GRID2: variants seen among roughly 807,000 people sequenced by gnomAD.
GRID2 encodes the protein glutamate receptor ionotropic, delta-2.
A neutral mutation model predicts 114.8 loss-of-function variants in GRID2; 33 were observed. That is an observed-to-expected ratio of 0.29 (90% CI 0.22 to 0.38). The LOEUF (loss-of-function observed/expected upper bound fraction) is 0.38. Among genes scored for constraint, GRID2 ranks in the 10% least tolerant of loss-of-function variants. The pLI is 1.00. For missense variants in GRID2, 1,184 were observed against 1,257.7 expected, an observed-to-expected ratio of 0.94 and a Z score of 0.89; for synonymous variants, 505 against 449.9, an observed-to-expected ratio of 1.12 and a Z score of -1.55.
In GRID2 at chr4:92,648,820, A is replaced by G. The variant is rs191791929; in HGVS notation, c.244+58534A>G. ...CTATATCAGTTCACATTTATTCCAT[A>G]TTAATAAATGATGATTCATGATGCA... On this transcript the variant is annotated intron_variant, in intron 2 of 15. Transcript: ENST00000282020. 1.8e-4 allele frequency among the ~76,000 whole-genome samples: 26 copies of G among 148,406 alleles called. No individual in the cohort carries two copies. In the East Asian group the frequency reaches 4.9e-3, roughly 28 times the overall value.
intron 7 of GRID2, among the ~76,000 whole-genome samples, chr4:93,227,607 A>T (rs1008331288): frequency 1.3e-5 from 2 of 152,188 alleles, no homozygotes; most frequent in Non-Finnish European, 2.9e-5. Flanking sequence ...TTAATATAAA[A>T]TCTATCTTTA....
At chr4:93,318,489 G>T (rs1462986342) in intron 8 of GRID2, 1 of 152,020 alleles carries the variant, frequency 6.6e-6, no homozygotes, top group Non-Finnish European at 1.5e-5. Flanking sequence ...GCTACTTAAA[G>T]CAAAAAGTAA....
intron 1 of GRID2, among the ~76,000 whole-genome samples, chr4:92,454,595 G>A (rs1721109710): frequency 6.6e-6 from 1 of 152,160 alleles, no homozygotes; most frequent in African/African-American, 2.4e-5. Context: ...CCAGCACTTT[G>A]GGAGGCCGAG....
intron 2 of GRID2, among the ~76,000 whole-genome samples, chr4:92,676,432 A>C (rs907703916): frequency 6.6e-6 from 1 of 152,022 alleles, no homozygotes; most frequent in Non-Finnish European, 1.5e-5. Context: ...TGCCTGCCTC[A>C]GCCTCCCAAA....
In GRID2 at chr4:92,873,599, A is replaced by C. The variant is rs560495528; in HGVS notation, c.245-211396A>C. On this transcript the variant is annotated intron_variant, in intron 2 of 15. Coordinates refer to ENST00000282020, the MANE Select transcript of GRID2 (RefSeq NM_001510.4). ...GCTTCTATTGTCAAAAGCCTTGTATATCTAAAGCTAAAATTACTTCTGATT... is the reference window on the plus strand; with the variant it reads ...GCTTCTATTGTCAAAAGCCTTGTATCTCTAAAGCTAAAATTACTTCTGATT... Among the ~76,000 whole-genome samples, 5 of 152,342 alleles carry C rather than the reference A, an allele frequency of 3.3e-5. 1 individual carries two copies. The South Asian group carries it at 1.0e-3, about 32-fold the overall frequency.
chr4:93,249,364 TG>T lies in GRID2; in HGVS notation c.1245+10876del, dbSNP rs370851161. Reference sequence around the variant, plus strand: ...TGTCTTGGCTATATGGGCTCTTTTTTGGTTCCATATGAAAATTAAAGTAGTT... The same window carrying T: ...TGTCTTGGCTATATGGGCTCTTTTTTGTTCCATATGAAAATTAAAGTAGTT... On this transcript the variant is annotated intron_variant, in intron 8 of 15. Coordinates refer to ENST00000282020, the MANE Select transcript of GRID2 (RefSeq NM_001510.4). Among the ~76,000 whole-genome samples the T allele has an allele frequency of 3.5e-3, 537 of 152,292 alleles. 4 individuals are homozygous for T. Among genetic ancestry groups the T allele is most frequent in the African/African-American group, 0.012 (516 of 41,564 alleles).
At chr4:93,194,992 G>A (rs1393332133) in intron 4 of GRID2, among the ~76,000 whole-genome samples, 2 of 152,074 alleles carry the variant, frequency 1.3e-5, no homozygotes, top group East Asian at 3.9e-4. Context: ...AGTGGCTTAA[G>A]GGTATATTAC....
At chr4:92,915,223 T>G (rs981062880) in intron 2 of GRID2, among the ~76,000 whole-genome samples, 1 of 152,142 alleles carries the variant, frequency 6.6e-6, no homozygotes, top group Non-Finnish European at 1.5e-5. Flanking sequence ...CTTCACTTGG[T>G]CTCTCCCTTG....
At chr4:93,802,373 AGAGT>A (rs371183127) in intron 1 of GRID2, among the ~76,000 whole-genome samples, 6 of 152,000 alleles carry the variant, frequency 3.9e-5, no homozygotes, top group East Asian at 3.9e-4. Context: ...TCTATGTGTG[AGAGT>A]GAGTGTGTGT....
chr4:92,436,018 C>A (rs1732719590), intron 1 of GRID2, among the ~76,000 whole-genome samples: 1 of 152,048 alleles, frequency 6.6e-6, no homozygotes, highest in South Asian at 2.1e-4. Flanking sequence ...TAATAGCAGG[C>A]ATATGAGACT....
chr4:92,357,847 C>A (rs1728408146), intron 1 of GRID2, among the ~76,000 whole-genome samples: 1 of 151,780 alleles, frequency 6.6e-6, no homozygotes, highest in East Asian at 1.9e-4. Context: ...TAAAACAGAG[C>A]TCCTTCTGGA....
intron 8 of GRID2, among the ~76,000 whole-genome samples, chr4:93,344,348 T>C (rs1440348601): frequency 6.6e-6 from 1 of 151,964 alleles, no homozygotes; most frequent in African/African-American, 2.4e-5. Context: ...AGCAGAAAAT[T>C]CCAATTACAT....
chr4:93,752,761 C>G (rs1732435654), intron 14 of GRID2, among the ~76,000 whole-genome samples: 1 of 152,158 alleles, frequency 6.6e-6, no homozygotes, highest in Non-Finnish European at 1.5e-5. Context: ...AAACCTTATC[C>G]ACACCTCATT....
intron 10 of GRID2, among the ~76,000 whole-genome samples, chr4:93,442,978 C>T (rs1721760040): frequency 6.6e-6 from 1 of 152,004 alleles, no homozygotes; most frequent in African/African-American, 2.4e-5. Flanking sequence ...TTCTCTCTGT[C>T]ACGCCTTATA....
intron 2 of GRID2, among the ~76,000 whole-genome samples, chr4:93,039,963 G>A (rs1033945205): frequency 3.9e-5 from 6 of 152,122 alleles, no homozygotes; most frequent in Non-Finnish European, 7.4e-5. Context: ...AGGTAAGACC[G>A]CTTCTTTCTC....
intron 2 of GRID2, among the ~76,000 whole-genome samples, chr4:92,598,234 C>T (rs753352371): frequency 3.2e-4 from 48 of 152,012 alleles, no homozygotes; most frequent in Non-Finnish European, 5.9e-4. Flanking sequence ...TCCGCCAGTA[C>T]CTTTTGGGTG....
At chr4:93,109,945 G>T (rs748688777) in intron 3 of GRID2, among the ~76,000 whole-genome samples, 1 of 152,036 alleles carries the variant, frequency 6.6e-6, no homozygotes, top group Non-Finnish European at 1.5e-5. Flanking sequence ...TTATTTAAGT[G>T]TGACGTGGAC....
chr4:92,961,948 A>G (rs1232470300), intron 2 of GRID2, among the ~76,000 whole-genome samples: 1 of 151,732 alleles, frequency 6.6e-6, no homozygotes, highest in Non-Finnish European at 1.5e-5. Context: ...TGACCGATCT[A>G]CTAATATGCC....
At chr4:93,518,075 A>C in intron 13 of GRID2, among the ~76,000 whole-genome samples, 1 of 147,800 alleles carries the variant, frequency 6.8e-6, no homozygotes, top group African/African-American at 2.5e-5. Context: ...GTATATACAT[A>C]TATATATACA....
Sources: gnomAD v4.1 joint callset for allele counts (sites outside exome capture counted in the v4.1 genomes callset) on GRCh38, gnomAD v4.1.1 for gene constraint, MANE v1.5 for transcripts, NCBI Gene and HGNC (gene_info 2026-07-23, HGNC 2026-07-21) for gene names.